Variants in TBC1D12 observed in about 807,000 individuals in gnomAD.
The protein encoded by TBC1D12 is TBC1 domain family member 12.
Under a neutral mutation model 86.7 loss-of-function variants are expected in TBC1D12, and 56 were observed. The observed-to-expected ratio is 0.65, with a 90% CI of 0.52 to 0.81. The LOEUF (loss-of-function observed/expected upper bound fraction) is 0.81, where lower values mean the gene tolerates loss of function less well. TBC1D12 is among the 30% of genes least tolerant of loss of function. The pLI is 0.00. For synonymous variants in TBC1D12, 421 were observed against 411.7 expected, an observed-to-expected ratio of 1.02 and a Z score of -0.27; for missense variants, 1,023 against 1,038.8, an observed-to-expected ratio of 0.98 and a Z score of 0.21.
At chr10:94,490,570 A>C (rs889022097) in intron 3 of TBC1D12, among the ~76,000 whole-genome samples, 2 of 151,890 alleles carry the variant, frequency 1.3e-5, no homozygotes, top group Admixed American at 6.6e-5. Context: ...TCTGCTTCAC[A>C]TCTCTGTTTT....
At chr10:94,511,707 T>C in intron 9 of TBC1D12, 53 bp downstream of exon 9, 1 of 1,206,990 alleles carries the variant, frequency 8.3e-7, no homozygotes, top group Admixed American at 1.8e-5. Context: ...ATCTACACTC[T>C]TTATCAAAAT....
intron 1 of TBC1D12, among the ~76,000 whole-genome samples, chr10:94,433,271 A>C (rs2055244453): frequency 6.6e-6 from 1 of 152,056 alleles, no homozygotes; most frequent in Non-Finnish European, 1.5e-5. Flanking sequence ...GGTGCGTGCC[A>C]CCACACCAGG....
chr10:94,494,718 A>AT (rs1269613137), intron 4 of TBC1D12, among the ~76,000 whole-genome samples: 1 of 151,280 alleles, frequency 6.6e-6, no homozygotes, highest in Non-Finnish European at 1.5e-5. Flanking sequence ...TAATTTTTGT[A>AT]TTTTTTTGTG....
intron 2 of TBC1D12, among the ~76,000 whole-genome samples, chr10:94,449,328 G>A (rs1328474332): frequency 1.3e-5 from 2 of 152,106 alleles, no homozygotes; most frequent in African/African-American, 4.8e-5. Flanking sequence ...CAAAAATGAA[G>A]TTTACTACGG....
intron 3 of TBC1D12, among the ~76,000 whole-genome samples, chr10:94,476,954 C>T (rs2055997945): frequency 6.6e-6 from 1 of 152,144 alleles, no homozygotes; most frequent in Non-Finnish European, 1.5e-5. Context: ...GTATCTACTT[C>T]TCTTGTACCT....
At chr10:94,482,116 C>T (rs1224506946) in intron 3 of TBC1D12, among the ~76,000 whole-genome samples, 1 of 152,106 alleles carries the variant, frequency 6.6e-6, no homozygotes, top group Non-Finnish European at 1.5e-5. Context: ...GAATTAAGCC[C>T]AGTATCCAAT....
At chr10:94,510,277 C>G in intron 8 of TBC1D12, 98 bp downstream of exon 8, 1 of 761,886 alleles carries the variant, frequency 1.3e-6, no homozygotes, top group Non-Finnish European at 2.0e-6. Flanking sequence ...TTAAAAAAGG[C>G]AAAACTATAG....
At chr10:94,419,153 G>A (rs903848598) in intron 1 of TBC1D12, among the ~76,000 whole-genome samples, 1 of 152,150 alleles carries the variant, frequency 6.6e-6, no homozygotes, top group African/African-American at 2.4e-5. Context: ...GATTACAGGC[G>A]TGAGTCACCG....
chr10:94,481,462 A>C (rs999595114), intron 3 of TBC1D12, among the ~76,000 whole-genome samples: 2 of 152,146 alleles, frequency 1.3e-5, no homozygotes, highest in Admixed American at 1.3e-4. Context: ...TTTTACTTCT[A>C]TGTGTATAAA....
chr10:94,507,178 C>T, intron 6 of TBC1D12, 89 bp from the exon 7 acceptor site: 2 of 1,278,158 alleles, frequency 1.6e-6, no homozygotes, highest in Admixed American at 2.1e-5. Context: ...AGAGACCTGA[C>T]CTGTAATAGG....
At chr10:94,508,541 A>G (rs1317106894) in intron 7 of TBC1D12, 2 of 151,854 alleles carry the variant, frequency 1.3e-5, no homozygotes, top group Admixed American at 6.6e-5. Context: ...CTAGTCTGCT[A>G]TTAAATCTAA....
At chr10:94,411,686 G>T (rs979920613) in intron 1 of TBC1D12, among the ~76,000 whole-genome samples, 1 of 152,178 alleles carries the variant, frequency 6.6e-6, no homozygotes, top group Non-Finnish European at 1.5e-5. Context: ...AGAAAGTTGC[G>T]TGGTTGGGCC....
At chr10:94,418,935 C>T (rs1417971279) in intron 1 of TBC1D12, among the ~76,000 whole-genome samples, 4 of 138,180 alleles carry the variant, frequency 2.9e-5, no homozygotes, top group Admixed American at 7.2e-5. Flanking sequence ...AGTGCAGTGG[C>T]GCGATCTCGG....
chr10:94,510,075 T>C lies in TBC1D12; in HGVS notation c.1601-16T>C, dbSNP rs1217750866. 1.9e-6 allele frequency: 3 copies of C among 1,593,368 alleles called. No individual in the cohort carries two copies. The highest frequency in any genetic ancestry group is 2.6e-6 in the Non-Finnish European group (3 of 1,167,650). On this transcript the variant is annotated splice_polypyrimidine_tract_variant and intron_variant, in intron 7 of 12. Coordinates refer to ENST00000225235, the MANE Select transcript of TBC1D12 (RefSeq NM_015188.2). ...GCCAAGTGATCATTTAAATTGTATC[T>C]GCTTGGTAAATGCAGGTGTATCTGT...
At chr10:94,403,620 CG>C (rs780260661) in intron 1 of TBC1D12, 36 bp downstream of exon 1, 5 of 1,392,294 alleles carry the variant, frequency 3.6e-6, no homozygotes, top group East Asian at 3.0e-5. Context: ...GGGGCGGGTC[CG>C]GGGCCGGGGC....
chr10:94,492,804 T>G (rs1183430518), intron 3 of TBC1D12, among the ~76,000 whole-genome samples: 1 of 152,230 alleles, frequency 6.6e-6, no homozygotes, highest in Non-Finnish European at 1.5e-5. Context: ...ATATCTTGAT[T>G]GGTTAGTTAG....
intron 3 of TBC1D12, among the ~76,000 whole-genome samples, chr10:94,481,950 A>G (rs1201228418): frequency 6.6e-6 from 1 of 152,194 alleles, no homozygotes; most frequent in Non-Finnish European, 1.5e-5. Flanking sequence ...TTTGTGTAAT[A>G]AACAATCCAA....
intron 2 of TBC1D12, among the ~76,000 whole-genome samples, chr10:94,473,712 A>C (rs1218178986): frequency 6.6e-6 from 1 of 152,222 alleles, no homozygotes; most frequent in East Asian, 1.9e-4. Flanking sequence ...TTTTTTAGAA[A>C]GGAAAAAATG....
intron 3 of TBC1D12, 147 bp from the exon 4 acceptor site, chr10:94,493,218 C>T: frequency 1.5e-6 from 1 of 658,394 alleles, no homozygotes; most frequent in African/African-American, 1.8e-5. Flanking sequence ...CTAAAATGCA[C>T]AGTTCTTTTC....
Sources: gnomAD v4.1 joint callset for allele counts (sites outside exome capture counted in the v4.1 genomes callset) on GRCh38, gnomAD v4.1.1 for gene constraint, MANE v1.5 for transcripts, NCBI Gene and HGNC (gene_info 2026-07-23, HGNC 2026-07-21) for gene names.